Variants in EYS observed in about 807,000 individuals in gnomAD.
EYS encodes the protein protein eyes shut homolog.
In EYS, 250 loss-of-function variants were observed where a neutral mutation model predicts 282.1. The ratio of observed to expected loss-of-function variants is 0.89; its 90% CI spans 0.80 to 0.98. EYS has a LOEUF of 0.98. Among genes scored for constraint, EYS ranks in the 50% least tolerant of loss-of-function variants. The pLI, the probability that EYS is intolerant of heterozygous loss-of-function variation, is 0.00. For missense variants in EYS, 4,016 were observed against 3,709.0 expected (o/e 1.08, Z -2.15); for synonymous variants, 1,355 against 1,282.9 (o/e 1.06, Z -1.20).
intron 5 of EYS, among the ~76,000 whole-genome samples, chr6:65,465,079 TTAA>T (rs1172802276): frequency 6.6e-6 from 1 of 152,150 alleles, no homozygotes; most frequent in Non-Finnish European, 1.5e-5. Flanking sequence ...GTCTACTGCG[TTAA>T]TAAGAAAAAC....
At chr6:64,324,309 GA>G (rs1249191005) in intron 29 of EYS, among the ~76,000 whole-genome samples, 1 of 152,146 alleles carries the variant, frequency 6.6e-6, no homozygotes, top group Non-Finnish European at 1.5e-5. Flanking sequence ...TTATTTTTGG[GA>G]TGCAAAGTTG....
chr6:65,589,354 T>A (rs1311419482), intron 2 of EYS, among the ~76,000 whole-genome samples: 1 of 152,088 alleles, frequency 6.6e-6, no homozygotes, highest in African/African-American at 2.4e-5. Flanking sequence ...TTCTTCAGCC[T>A]GTTTCGTCAG....
intron 12 of EYS, among the ~76,000 whole-genome samples, chr6:65,080,211 G>A (rs371411926): frequency 6.6e-6 from 1 of 151,984 alleles, no homozygotes; most frequent in South Asian, 2.1e-4. Context: ...GACAGAACAC[G>A]CCCAGAGTTA....
intron 12 of EYS, among the ~76,000 whole-genome samples, chr6:65,278,037 C>CTTTTCTTTTA (rs373965524): frequency 6.5e-5 from 8 of 123,944 alleles, no homozygotes; most frequent in Non-Finnish European, 8.9e-5. Context: ...TTTTCCTTTT[C>CTTTTCTTTTA]TTTTCTTTTC....
chr6:63,849,399 C>T (rs909274552), intron 36 of EYS, among the ~76,000 whole-genome samples: 1 of 152,172 alleles, frequency 6.6e-6, no homozygotes, highest in Non-Finnish European at 1.5e-5. Flanking sequence ...CTGGGAGATA[C>T]CTCCCAGCAG....
At chr6:65,341,731 C>A (rs932101541) in intron 10 of EYS, among the ~76,000 whole-genome samples, 1 of 151,224 alleles carries the variant, frequency 6.6e-6, no homozygotes, top group Non-Finnish European at 1.5e-5. Context: ...ATTTAAGCAT[C>A]TCCAATGCTG....
At chr6:64,026,304 G>A (rs1054541304) in intron 33 of EYS, among the ~76,000 whole-genome samples, 1 of 152,130 alleles carries the variant, frequency 6.6e-6, no homozygotes, top group African/African-American at 2.4e-5. Context: ...GTGGGTTCTT[G>A]GGCAGGGGGA....
chr6:64,918,342 G>A (rs1238519480), intron 15 of EYS, among the ~76,000 whole-genome samples: 1 of 152,118 alleles, frequency 6.6e-6, no homozygotes, highest in Admixed American at 6.6e-5. Context: ...CCTAAAAACA[G>A]TAATAGCAAG....
intron 33 of EYS, among the ~76,000 whole-genome samples, chr6:64,059,205 C>A (rs934259007): frequency 1.3e-5 from 2 of 152,058 alleles, no homozygotes; most frequent in Non-Finnish European, 2.9e-5. Flanking sequence ...ATGTACTTGC[C>A]ACCTGTCCCT....
At chr6:64,937,794 AT>A (rs1173957597) in intron 15 of EYS, among the ~76,000 whole-genome samples, 1 of 151,672 alleles carries the variant, frequency 6.6e-6, no homozygotes, top group African/African-American at 2.4e-5. Context: ...TATATGAAAA[AT>A]AATTGAAAAT....
chr6:64,961,759 T>G (rs1205386685), intron 14 of EYS, among the ~76,000 whole-genome samples: 1 of 152,098 alleles, frequency 6.6e-6, no homozygotes, highest in Non-Finnish European at 1.5e-5. Context: ...TCAGTGCACT[T>G]GAGTTGCAAT....
chr6:64,739,938 TACAC>T (rs990361644), intron 22 of EYS, among the ~76,000 whole-genome samples: 11 of 152,160 alleles, frequency 7.2e-5, no homozygotes, highest in African/African-American at 2.2e-4. Flanking sequence ...TAATAGTTGT[TACAC>T]ACATTAGGCT....
Position 63,954,678 on chromosome 6 carries a change from C to T in EYS, c.7055+29705G>A, listed in dbSNP as rs182951446. 1.1e-3 allele frequency among the ~76,000 whole-genome samples: 162 copies of T among 152,202 alleles called. 1 individual carries two copies. Among genetic ancestry groups the T allele is most frequent in the African/African-American group, 3.2e-3 (132 of 41,536 alleles). ...TTAGAGTTCCAACTTCTATTCCTCA[C>T]GGCAGTTGTTCTTCTCATCAGTCAC... On this transcript the variant is annotated intron_variant, in intron 35 of 42. Coordinates refer to ENST00000503581, the MANE Select transcript of EYS (RefSeq NM_001142800.2).
At chr6:65,317,825 C>CCTTCCTTCCTTCCTTCCTTTCTTTCTTT (rs1562092985) in intron 11 of EYS, among the ~76,000 whole-genome samples, 1 of 81,280 alleles carries the variant, frequency 1.2e-5, no homozygotes, top group Non-Finnish European at 2.5e-5. Flanking sequence ...TTCCTTCCTT[C>CCTTCCTTCCTTCCTTCCTTTCTTTCTTT]CTTTCTTTCT....
chr6:64,640,462 C>T (rs555997751), intron 22 of EYS, among the ~76,000 whole-genome samples: 3 of 151,974 alleles, frequency 2.0e-5, no homozygotes, highest in South Asian at 2.1e-4. Flanking sequence ...AGTAAACTAT[C>T]GCAAGGACAA....
chr6:64,233,685 C>A (rs1766499650), intron 30 of EYS, among the ~76,000 whole-genome samples: 1 of 152,126 alleles, frequency 6.6e-6, no homozygotes. Context: ...GACAAACCAG[C>A]CATTATTATA....
intron 28 of EYS, among the ~76,000 whole-genome samples, chr6:64,389,652 ACTAT>A (rs1175818441): frequency 4.6e-5 from 7 of 152,338 alleles, no homozygotes; most frequent in African/African-American, 1.4e-4. Flanking sequence ...AAAAATATTT[ACTAT>A]CTAACCCTTA....
chr6:63,835,649 G>A (rs982340246), intron 36 of EYS, among the ~76,000 whole-genome samples: 3 of 151,924 alleles, frequency 2.0e-5, no homozygotes, highest in South Asian at 2.1e-4. Flanking sequence ...TGGATGATGG[G>A]TGCATCAAAA....
intron 12 of EYS, among the ~76,000 whole-genome samples, chr6:65,095,685 G>T: frequency 6.6e-6 from 1 of 150,740 alleles, no homozygotes; most frequent in East Asian, 1.9e-4. Flanking sequence ...TTAACAGAAT[G>T]AAGGATAAAC....
Sources: allele counts gnomAD v4.1 joint callset (sites outside exome capture counted in the v4.1 genomes callset), GRCh38; gene constraint gnomAD v4.1.1; transcripts MANE v1.5; gene names NCBI Gene and HGNC (gene_info 2026-07-23, HGNC 2026-07-21).